ADGRG1: variants seen among roughly 807,000 people sequenced by gnomAD.
ADGRG1 encodes the protein 7-transmembrane protein with no EGF-like N-terminal domains-1.
A neutral mutation model predicts 73.5 loss-of-function variants in ADGRG1; 53 were observed. The ratio of observed to expected loss-of-function variants is 0.72; its 90% CI spans 0.58 to 0.91. The LOEUF (loss-of-function observed/expected upper bound fraction) is 0.91, where lower values mean the gene tolerates loss of function less well. Ranked by LOEUF, ADGRG1 falls within the 40% of genes least tolerant of loss-of-function variation. The pLI is 0.00. For synonymous variants in ADGRG1, 394 were observed against 374.4 expected (o/e 1.05, Z -0.60); for missense variants, 795 against 871.8 (o/e 0.91, Z 1.11).
intron 1 of ADGRG1, chr16:57,630,321 C>T (rs2001203): frequency 0.34 from 332,493 of 977,742 alleles, 58,404 homozygotes; most frequent in South Asian, 0.45. Flanking sequence ...TGGGCTCTTT[C>T]CTGCCAATGT....
rs774109607 is a variant in ADGRG1 at position 57,653,246 on chromosome 16, C to G, written c.531C>G (p.Cys177Trp). The G allele has an allele frequency of 1.2e-6, 2 of 1,612,186 alleles. No homozygotes were observed. Among genetic ancestry groups the G allele is most frequent in the Admixed American group, 1.7e-5 (1 of 59,982 alleles). ...CTCACAATGCCTCGGTGGACATGTG[C>G]GAGCTCAAAAGGGACCTCCAGCTGC... is the stretch of plus-strand genomic sequence containing the variant. ...TAAHNASVDM[C>W]ELKRDLQLLS... Residue 177 changes from cysteine (C) to tryptophan (W), a missense_variant, in exon 4 of 14, where the codon TGC becomes TGG. Physicochemically the swap from Cys to Trp is radical, Grantham distance 215 (BLOSUM62 -2). Coordinates refer to ENST00000562631, the MANE Select transcript of ADGRG1 (RefSeq NM_201525.4).
intron 1 of ADGRG1, among the ~76,000 whole-genome samples, chr16:57,644,569 G>A (rs368299522): frequency 0.011 from 1,510 of 136,054 alleles, 16 homozygotes; most frequent in Middle Eastern, 0.071. Context: ...GGACACTTAT[G>A]CACAAGCACA....
At chr16:57,636,161 T>C in intron 1 of ADGRG1, 1 of 985,358 alleles carries the variant, frequency 1.0e-6, no homozygotes, top group Middle Eastern at 5.2e-4. Context: ...TTTGCACATC[T>C]GCTACCTGGG....
In ADGRG1 at chr16:57,660,849, C is replaced by A; in HGVS notation, c.1637C>A (p.Thr546Asn). 1 of 1,604,672 alleles carries A rather than the reference C, an allele frequency of 6.2e-7. No homozygotes were observed. Among genetic ancestry groups the A allele is most frequent in the Non-Finnish European group, 8.5e-7 (1 of 1,171,410 alleles). ...CCCATCATCTTGGCTGTGCATAGGA[C>A]TCCAGAGGGCGTCATCTACCCTTCC... is the stretch of plus-strand genomic sequence containing the variant. ...YGPIILAVHR[T>N]PEGVIYPSMC... The change falls in exon 12 of 14, where the codon ACT becomes AAT. Residue 546 changes from threonine (T) to asparagine (N), a missense_variant. Transcript: ENST00000562631.
intron 1 of ADGRG1, among the ~76,000 whole-genome samples, chr16:57,644,765 TGC>T (rs2042035056): frequency 1.6e-5 from 2 of 125,036 alleles, no homozygotes; most frequent in South Asian, 2.7e-4. Context: ...CACACACCCA[TGC>T]ACACACACAT....
rs747880421 is a variant in ADGRG1, at chr16:57,656,285, G to T, written c.1063+14G>T. ...AAGACCCCACATGTGAGTATGCAGGGGTCTCTGGGCTGGACAAGTATCTGG... is the reference window on the plus strand; with the variant it reads ...AAGACCCCACATGTGAGTATGCAGGTGTCTCTGGGCTGGACAAGTATCTGG... On this transcript the variant is annotated intron_variant, in intron 8 of 13. Coordinates refer to ENST00000562631, the MANE Select transcript of ADGRG1 (RefSeq NM_201525.4). 1.9e-6 allele frequency: 3 copies of T among 1,613,218 alleles called. No individual in the cohort carries two copies. The highest frequency in any genetic ancestry group is 2.5e-6 in the Non-Finnish European group (3 of 1,179,506).
At position 57,659,596 on chromosome 16, in the gene ADGRG1, G is replaced by A. The variant is rs771651846; in HGVS notation, c.1470G>A (p.Glu490=). The A allele has an allele frequency of 1.2e-6, 2 of 1,613,990 alleles. No homozygotes were observed. The highest frequency in any genetic ancestry group is 1.7e-6 in the Non-Finnish European group (2 of 1,179,992). ...LLTCLSWMGL[E]GYNLYRLVVE... ...CCTGCCTTTCCTGGATGGGCCTCGAGGGGTACAACCTCTACCGACTCGTGG... is the reference window on the plus strand; with the variant it reads ...CCTGCCTTTCCTGGATGGGCCTCGAAGGGTACAACCTCTACCGACTCGTGG... The change falls in exon 11 of 14, where the codon GAG becomes GAA. Residue 490 remains glutamate, a synonymous_variant. Transcript: ENST00000562631.
chr16:57,625,952 G>T (rs187107454), upstream of ADGRG1, among the ~76,000 whole-genome samples: 103 of 152,116 alleles, frequency 6.8e-4, no homozygotes, highest in Admixed American at 1.2e-3. Context: ...TCTCCTTCAG[G>T]TCCCAGCAGG....
chr16:57,650,459 C>T (rs531796086), intron 2 of ADGRG1, 108 bp downstream of exon 2: 48 of 1,593,582 alleles, frequency 3.0e-5, no homozygotes, highest in Non-Finnish European at 3.5e-5. Context: ...AGTTACAGCT[C>T]GGCTAGTGGA....
upstream of ADGRG1, chr16:57,625,428 G>A (rs985723675): frequency 9.9e-6 from 2 of 201,482 alleles, no homozygotes; most frequent in African/African-American, 2.4e-5. Context: ...TTCACTTGTC[G>A]GGTTGTGGGG....
At chr16:57,657,297 A>G in intron 9 of ADGRG1, 76 bp from the exon 10 acceptor site, 1 of 1,605,992 alleles carries the variant, frequency 6.2e-7, no homozygotes, top group Non-Finnish European at 8.5e-7. Context: ...ACCCCAGGTT[A>G]GCCCCTCACG....
intron 1 of ADGRG1, chr16:57,639,600 C>T: frequency 1.0e-6 from 1 of 985,456 alleles, no homozygotes; most frequent in Non-Finnish European, 1.2e-6. Flanking sequence ...TGCCTGCAAA[C>T]AAGAACCCCT....
upstream of ADGRG1, chr16:57,623,047 G>T (rs2035166607): frequency 1.0e-6 from 1 of 985,270 alleles, no homozygotes; most frequent in Admixed American, 6.1e-5. Flanking sequence ...GGGCAAAGCA[G>T]GACTTAAATA....
At chr16:57,654,416 C>CCG (rs2045019031) in intron 5 of ADGRG1, among the ~76,000 whole-genome samples, 2 of 135,402 alleles carry the variant, frequency 1.5e-5, no homozygotes, top group African/African-American at 5.4e-5. Context: ...CGCACCCCCC[C>CCG]CCCCCGTTTT....
At chr16:57,622,512 A>T (rs536952546) in intron 2 of ADGRG1, among the ~76,000 whole-genome samples, 2 of 152,284 alleles carry the variant, frequency 1.3e-5, no homozygotes, top group South Asian at 4.1e-4. Flanking sequence ...AGGGATGTGT[A>T]GAGTCTCACC....
chr16:57,652,108 C>T, intron 3 of ADGRG1: 1 of 1,044,410 alleles, frequency 9.6e-7, no homozygotes, highest in East Asian at 7.7e-5. Context: ...AGGATTTGAA[C>T]CCAGCAGCTG....
chr16:57,651,425 A>G lies in ADGRG1; in HGVS notation c.290A>G (p.His97Arg), dbSNP rs759839737. The G allele has an allele frequency of 6.2e-6, 10 of 1,614,018 alleles. No homozygotes were observed. The Admixed American group carries it at 1.2e-4, about 19-fold the overall frequency. The change falls in exon 3 of 14, where the codon CAT (histidine) becomes CGT (arginine). Residue 97 changes from histidine to arginine, a missense_variant. By Grantham distance (29) the His-to-Arg change is conservative. Coordinates refer to ENST00000562631, the MANE Select transcript of ADGRG1 (RefSeq NM_201525.4). ...LYHFCLYWNR[H>R]AGRLHLLYGK... is the part of the protein sequence containing the mutation. ...CACTTCTGCCTCTACTGGAACCGAC[A>G]TGCTGGGAGATTACATCTTCTCTAT... is the stretch of plus-strand genomic sequence containing the variant.
intron 3 of ADGRG1, chr16:57,652,917 T>G: frequency 7.8e-7 from 1 of 1,277,622 alleles, no homozygotes; most frequent in Non-Finnish European, 1.0e-6. Context: ...CTCTGCTCCG[T>G]GTGTGTAGCC....
Position 57,660,788 on chromosome 16 carries a change from A to T in ADGRG1, c.1576A>T (p.Thr526Ser), listed in dbSNP as rs755699923. 1.2e-6 allele frequency: 2 copies of T among 1,612,364 alleles called. No homozygotes were observed. The highest frequency in any genetic ancestry group is 4.5e-5 in the East Asian group (2 of 44,846). Residue 526 changes from threonine (T) to serine (S), a missense_variant, in exon 12 of 14, where the codon ACG (threonine) becomes TCG (serine). Physicochemically the swap from Thr to Ser is moderately conservative, Grantham distance 58 (BLOSUM62 1). Transcript: ENST00000562631. ...CTCAGGCTTCCCCATCTTTCTGGTG[A>T]CGCTGGTGGCCCTGGTGGATGTGGA... Reference protein sequence around the residue: ...MGWGFPIFLVTLVALVDVDNY... With the variant: ...MGWGFPIFLVSLVALVDVDNY...
Sources: allele counts gnomAD v4.1 joint callset (sites outside exome capture counted in the v4.1 genomes callset), GRCh38; gene constraint gnomAD v4.1.1; transcripts MANE v1.5; gene names NCBI Gene and HGNC (gene_info 2026-07-23, HGNC 2026-07-21).